NME7: variants seen among roughly 807,000 people sequenced by gnomAD.
NME7 encodes the protein nucleoside diphosphate kinase 7.
A neutral mutation model predicts 49.1 loss-of-function variants in NME7; 41 were observed. The ratio of observed to expected loss-of-function variants is 0.83; its 90% CI spans 0.65 to 1.08. The LOEUF is 1.08. NME7 is among the 50% of genes least tolerant of loss of function. NME7 has a pLI of 0.00. For synonymous variants in NME7, 139 were observed against 150.6 expected, an observed-to-expected ratio of 0.92 and a Z score of 0.56; for missense variants, 423 against 463.4, an observed-to-expected ratio of 0.91 and a Z score of 0.80.
intron 10 of NME7, among the ~76,000 whole-genome samples, chr1:169,180,151 G>A (rs74125210): frequency 8.5e-4 from 130 of 152,230 alleles, no homozygotes; most frequent in African/African-American, 3.1e-3. Flanking sequence ...TGCCTTTAAA[G>A]GCCTAGCTTC....
chr1:169,362,788 C>G (rs1299332489), intron 1 of NME7, among the ~76,000 whole-genome samples: 2 of 152,156 alleles, frequency 1.3e-5, no homozygotes, highest in South Asian at 2.1e-4. Flanking sequence ...GGAGAGTGAT[C>G]TGGATGCACA....
Position 169,273,555 on chromosome 1 carries a change from C to A in NME7, c.754+13748G>T, listed in dbSNP as rs1192539720. 3.2e-3 allele frequency among the ~76,000 whole-genome samples: 384 copies of A among 120,894 alleles called. 1 individual carries two copies. Among genetic ancestry groups the A allele is most frequent in the Non-Finnish European group, 5.3e-3 (262 of 49,796 alleles). 79.3% of individuals were successfully genotyped at this position (120,894 alleles called of 152,430 possible). A position where few individuals can be genotyped will look rare whatever the true frequency, so the allele number is the denominator to read the frequency against. Reference sequence around the variant, plus strand: ...ATACATGTGCCATGCTGGTGTGCTGCACCCATTGACTCGTCATTTAGCATT... The same window carrying A: ...ATACATGTGCCATGCTGGTGTGCTGAACCCATTGACTCGTCATTTAGCATT... On this transcript the variant is annotated intron_variant, in intron 7 of 11. Transcript: ENST00000367811.
intron 8 of NME7, among the ~76,000 whole-genome samples, chr1:169,237,037 G>A (rs961835620): frequency 1.2e-4 from 18 of 152,158 alleles, no homozygotes; most frequent in African/African-American, 4.3e-4. Flanking sequence ...CTACCAAAGT[G>A]GGTGTTGTTT....
chr1:169,305,236 T>C (rs1443749649), intron 4 of NME7, among the ~76,000 whole-genome samples: 3 of 152,234 alleles, frequency 2.0e-5, no homozygotes, highest in African/African-American at 7.2e-5. Context: ...AGTGAATCAC[T>C]ATCTAGAGAA....
At chr1:169,248,229 G>A (rs534904086) in intron 7 of NME7, among the ~76,000 whole-genome samples, 1 of 152,128 alleles carries the variant, frequency 6.6e-6, no homozygotes, top group East Asian at 1.9e-4. Context: ...TATTCCTGAT[G>A]ATCAGTGATG....
At chr1:169,234,380 A>T (rs1647768167) in intron 9 of NME7, among the ~76,000 whole-genome samples, 1 of 152,144 alleles carries the variant, frequency 6.6e-6, no homozygotes, top group Non-Finnish European at 1.5e-5. Flanking sequence ...TCATAGTAAC[A>T]GCATGAGATA....
intron 10 of NME7, among the ~76,000 whole-genome samples, chr1:169,230,448 T>C (rs1647560885): frequency 2.6e-5 from 4 of 152,146 alleles, no homozygotes; most frequent in Admixed American, 2.6e-4. Context: ...TGTATTTACC[T>C]GGACAATTTA....
At chr1:169,247,191 G>A in intron 7 of NME7, 1 of 405,720 alleles carries the variant, frequency 2.5e-6, no homozygotes, top group Non-Finnish European at 4.8e-6. Context: ...GAGTAGATAG[G>A]CTGGAAACTG....
At chr1:169,141,733 A>T (rs994039943) in intron 11 of NME7, among the ~76,000 whole-genome samples, 7 of 152,206 alleles carry the variant, frequency 4.6e-5, no homozygotes, top group East Asian at 3.8e-4. Context: ...AGAAATAAAA[A>T]TTTTTTAGAA....
rs1050879353 is a variant in NME7 at position 169,256,396 on chromosome 1, C to G, written c.755-18709G>C. ...CTGCGTTCTTCACGTAGTTCTCGAG[C>G]CTTGGTTTTCAGCTCCATCAGCTCC... On this transcript the variant is annotated intron_variant, in intron 7 of 11. Coordinates refer to ENST00000367811, the MANE Select transcript of NME7 (RefSeq NM_013330.5). 2.2e-5 allele frequency among the ~76,000 whole-genome samples: 3 copies of G among 134,052 alleles called. 1 individual carries two copies. Among genetic ancestry groups the G allele is most frequent in the African/African-American group, 7.6e-5 (3 of 39,550 alleles). 87.9% of individuals were successfully genotyped at this position (134,052 alleles called of 152,430 possible). A position where few individuals can be genotyped will look rare whatever the true frequency, so the allele number is the denominator to read the frequency against.
intron 7 of NME7, among the ~76,000 whole-genome samples, chr1:169,262,355 T>G (rs1250892873): frequency 1.5e-5 from 2 of 134,490 alleles, no homozygotes; most frequent in Non-Finnish European, 3.5e-5. Context: ...ACCCACAGAA[T>G]TGTGAAAAAT....
intron 7 of NME7, among the ~76,000 whole-genome samples, chr1:169,250,126 G>A (rs887646151): frequency 1.3e-5 from 2 of 151,622 alleles, no homozygotes; most frequent in Non-Finnish European, 3.0e-5. Context: ...CTTGGCAATT[G>A]TTTTGATTAG....
intron 10 of NME7, among the ~76,000 whole-genome samples, chr1:169,187,535 A>C (rs1442046058): frequency 6.6e-6 from 1 of 152,086 alleles, no homozygotes; most frequent in Admixed American, 6.6e-5. Context: ...TTGTTGGTTT[A>C]AAGTCTGTTT....
chr1:169,173,333 C>T (rs1467288887), intron 10 of NME7, among the ~76,000 whole-genome samples: 1 of 151,858 alleles, frequency 6.6e-6, no homozygotes, highest in Non-Finnish European at 1.5e-5. Flanking sequence ...GAGTTGTAAT[C>T]GTCATAGTTT....
intron 11 of NME7, among the ~76,000 whole-genome samples, chr1:169,161,516 A>G (rs1287634378): frequency 6.6e-6 from 1 of 152,204 alleles, no homozygotes; most frequent in Non-Finnish European, 1.5e-5. Flanking sequence ...GTACCAGAAT[A>G]AGAATCCATG....
intron 3 of NME7, 140 bp downstream of exon 3, chr1:169,322,977 G>T: frequency 3.3e-6 from 2 of 607,686 alleles, no homozygotes; most frequent in Middle Eastern, 9.2e-4. Context: ...TTTTTAAATT[G>T]AAAAAAAGAA....
At chr1:169,193,772 G>C (rs534027774) in intron 10 of NME7, among the ~76,000 whole-genome samples, 33 of 152,010 alleles carry the variant, frequency 2.2e-4, no homozygotes, top group Non-Finnish European at 1.8e-4. Flanking sequence ...ATGTCTGATT[G>C]GAATAGGGTT....
At chr1:169,287,635 T>A (rs145928090) in intron 6 of NME7, among the ~76,000 whole-genome samples, 1 of 152,164 alleles carries the variant, frequency 6.6e-6, no homozygotes, top group African/African-American at 2.4e-5. Flanking sequence ...ATCAAAGCAA[T>A]GAGAATATGT....
At chr1:169,178,504 CTT>C (rs1465375185) in intron 10 of NME7, among the ~76,000 whole-genome samples, 3 of 152,104 alleles carry the variant, frequency 2.0e-5, no homozygotes, top group Non-Finnish European at 4.4e-5. Flanking sequence ...GGAAGGTACT[CTT>C]GAAATCAATA....
Sources: gnomAD v4.1 joint callset for allele counts (sites outside exome capture counted in the v4.1 genomes callset) on GRCh38, gnomAD v4.1.1 for gene constraint, MANE v1.5 for transcripts, NCBI Gene and HGNC (gene_info 2026-07-23, HGNC 2026-07-21) for gene names.